The following CRPPA variants were observed in gnomAD, a reference collection of about 807,000 sequenced individuals.
CRPPA encodes the protein CDP-L-ribitol pyrophosphorylase A, also known as D-ribitol-5-phosphate cytidylyltransferase.
A neutral mutation model predicts 52.0 loss-of-function variants in CRPPA; 43 were observed. The ratio of observed to expected loss-of-function variants is 0.83; its 90% CI spans 0.65 to 1.07. CRPPA has a LOEUF of 1.07. Ranked by LOEUF, CRPPA falls within the 50% of genes least tolerant of loss-of-function variation. The probability of loss-of-function intolerance (pLI) is 0.00; values close to 1 mark genes in which losing one functional copy is unlikely to be tolerated. For synonymous variants in CRPPA, 250 were observed against 203.5 expected, an observed-to-expected ratio of 1.23 and a Z score of -1.94; for missense variants, 629 against 551.7, an observed-to-expected ratio of 1.14 and a Z score of -1.40.
chr7:16,253,797 G>C (rs1455718337), intron 8 of CRPPA, among the ~76,000 whole-genome samples: 3 of 152,092 alleles, frequency 2.0e-5, no homozygotes, highest in Non-Finnish European at 2.9e-5. Context: ...AGAGTGAACA[G>C]GCAACCTACA....
intron 8 of CRPPA, among the ~76,000 whole-genome samples, chr7:16,254,784 AGAAAGAAG>A (rs1369909841): frequency 4.9e-4 from 59 of 120,186 alleles, no homozygotes; most frequent in African/African-American, 1.0e-3. Context: ...AAAGAAAGAA[AGAAAGAAG>A]GAAAGAAAGA....
intron 9 of CRPPA, among the ~76,000 whole-genome samples, chr7:16,157,011 T>G (rs1783196070): frequency 6.6e-6 from 1 of 151,150 alleles, no homozygotes; most frequent in Non-Finnish European, 1.5e-5. Flanking sequence ...TTATTGTTGT[T>G]TTTTGTTTTT....
chr7:16,389,927 AAATAT>A (rs1455017011), intron 2 of CRPPA, among the ~76,000 whole-genome samples: 4 of 67,690 alleles, frequency 5.9e-5, no homozygotes, highest in Non-Finnish European at 1.2e-4. Flanking sequence ...AAAAAAAAAA[AAATAT>A]ATATATATAT....
intron 9 of CRPPA, among the ~76,000 whole-genome samples, chr7:16,206,470 C>G (rs886993296): frequency 3.3e-5 from 5 of 151,916 alleles, no homozygotes; most frequent in African/African-American, 1.2e-4. Flanking sequence ...TGTTTCTGAA[C>G]CCCTCTTTTG....
At chr7:16,377,040 T>C (rs1786909254) in intron 2 of CRPPA, among the ~76,000 whole-genome samples, 2 of 152,178 alleles carry the variant, frequency 1.3e-5, no homozygotes, top group Admixed American at 1.3e-4. Context: ...ACACAATTGC[T>C]ACATGGGGAT....
intron 3 of CRPPA, among the ~76,000 whole-genome samples, chr7:16,344,394 C>T (rs1433961381): frequency 8.2e-6 from 1 of 122,004 alleles, no homozygotes; most frequent in Admixed American, 9.4e-5. Flanking sequence ...TAGCAAGAAC[C>T]TATCTCTACC....
chr7:16,338,911 G>A (rs1785754486), intron 3 of CRPPA, among the ~76,000 whole-genome samples: 1 of 150,002 alleles, frequency 6.7e-6, no homozygotes, highest in South Asian at 2.1e-4. Flanking sequence ...TGCCTCACAG[G>A]TTCACGCCAT....
chr7:16,097,349 C>T (rs534264387), intron 9 of CRPPA, among the ~76,000 whole-genome samples: 3 of 152,124 alleles, frequency 2.0e-5, no homozygotes, highest in Non-Finnish European at 2.9e-5. Context: ...AAGACAAAAA[C>T]GCAATATAAT....
intron 5 of CRPPA, among the ~76,000 whole-genome samples, chr7:16,289,889 C>T (rs1225920462): frequency 6.6e-6 from 1 of 152,032 alleles, no homozygotes; most frequent in Non-Finnish European, 1.5e-5. Flanking sequence ...AATTGCTGTT[C>T]TATCATAGAT....
intron 1 of CRPPA, among the ~76,000 whole-genome samples, chr7:16,411,824 T>A (rs1318609910): frequency 6.6e-6 from 1 of 152,196 alleles, no homozygotes; most frequent in Non-Finnish European, 1.5e-5. Context: ...GTAGTATTTT[T>A]AAAGGAAAGA....
chr7:16,379,156 G>C (rs1329936643), intron 2 of CRPPA, among the ~76,000 whole-genome samples: 2 of 152,130 alleles, frequency 1.3e-5, no homozygotes, highest in Admixed American at 1.3e-4. Flanking sequence ...CATTGCTTTT[G>C]GTGTTTTAGA....
At chr7:16,161,173 A>C (rs1353131871) in intron 9 of CRPPA, among the ~76,000 whole-genome samples, 2 of 152,088 alleles carry the variant, frequency 1.3e-5, no homozygotes, top group African/African-American at 2.4e-5. Context: ...AATACGCTTT[A>C]TTTCTTTCTC....
At chr7:16,333,844 A>G (rs1785615214) in intron 3 of CRPPA, among the ~76,000 whole-genome samples, 1 of 152,178 alleles carries the variant, frequency 6.6e-6, no homozygotes, top group Admixed American at 6.5e-5. Flanking sequence ...CACAAAAATG[A>G]GAAAAGTCAC....
intron 2 of CRPPA, among the ~76,000 whole-genome samples, chr7:16,387,484 C>G (rs1002193641): frequency 6.6e-6 from 1 of 151,644 alleles, no homozygotes; most frequent in Non-Finnish European, 1.5e-5. Context: ...CAATAGGAGA[C>G]ATGAAAAAAG....
Position 16,325,251 on chromosome 7 carries a change from C to T in CRPPA, c.685-16624G>A, listed in dbSNP as rs538973491. On this transcript the variant is annotated intron_variant, in intron 3 of 9. Coordinates refer to ENST00000407010, the MANE Select transcript of CRPPA (RefSeq NM_001101426.4). ...AAACCTTAAATGCTATGTACTCCTT[C>T]TTTGAGCTGGAGAACGATGGAAACT... is the stretch of plus-strand genomic sequence containing the variant. Among the ~76,000 whole-genome samples, 9 of 152,256 alleles carry T rather than the reference C, an allele frequency of 5.9e-5. No individual in the cohort carries two copies. In the South Asian group the frequency reaches 1.7e-3, roughly 28 times the overall value.
At chr7:16,113,037 AAT>A (rs1782298341) in intron 9 of CRPPA, among the ~76,000 whole-genome samples, 1 of 152,052 alleles carries the variant, frequency 6.6e-6, no homozygotes, top group Non-Finnish European at 1.5e-5. Context: ...AACTACGTAA[AAT>A]ATTTAAATAA....
chr7:16,265,587 A>T (rs187923656), intron 6 of CRPPA, among the ~76,000 whole-genome samples: 1 of 152,328 alleles, frequency 6.6e-6, no homozygotes, highest in Non-Finnish European at 1.5e-5. Context: ...ATATATGTAA[A>T]GACCCAGTAG....
At chr7:16,113,723 C>G (rs148785311) in intron 9 of CRPPA, among the ~76,000 whole-genome samples, 2 of 151,308 alleles carry the variant, frequency 1.3e-5, no homozygotes, top group Non-Finnish European at 3.0e-5. Flanking sequence ...AACACTCCCC[C>G]CTCCACACAC....
chr7:16,420,399 C>G (rs117951644), intron 1 of CRPPA, among the ~76,000 whole-genome samples: 1 of 152,324 alleles, frequency 6.6e-6, no homozygotes, highest in Non-Finnish European at 1.5e-5. Flanking sequence ...CTTCATTTCA[C>G]TTCCTCAGCT....
Sources: gnomAD v4.1 joint callset for allele counts (sites outside exome capture counted in the v4.1 genomes callset) on GRCh38, gnomAD v4.1.1 for gene constraint, MANE v1.5 for transcripts, NCBI Gene and HGNC (gene_info 2026-07-23, HGNC 2026-07-21) for gene names.